The following ANKS1B variants were observed in gnomAD, a reference collection of about 807,000 sequenced individuals.
ANKS1B encodes the protein ankyrin repeat and sterile alpha motif domain containing 1B, also known as ankyrin repeat and sterile alpha motif domain-containing protein 1B.
Under a neutral mutation model 148.3 loss-of-function variants are expected in ANKS1B, and 36 were observed. That is an observed-to-expected ratio of 0.24 (90% CI 0.19 to 0.32). ANKS1B has a LOEUF of 0.32. Ranked by LOEUF, ANKS1B falls within the 10% of genes least tolerant of loss-of-function variation. The probability of loss-of-function intolerance (pLI) is 1.00; values close to 1 mark genes in which losing one functional copy is unlikely to be tolerated. For synonymous variants in ANKS1B, 542 were observed against 560.8 expected (o/e 0.97, Z 0.47); for missense variants, 1,157 against 1,542.6 (o/e 0.75, Z 4.19).
chr12:99,395,714 A>G (rs1225846622), intron 12 of ANKS1B, among the ~76,000 whole-genome samples: 1 of 152,120 alleles, frequency 6.6e-6, no homozygotes, highest in Admixed American at 6.6e-5. Flanking sequence ...ACCTTTTTTG[A>G]TGATTCACAA....
intron 2 of ANKS1B, among the ~76,000 whole-genome samples, chr12:99,823,386 A>G (rs1479936307): frequency 6.6e-6 from 1 of 152,030 alleles, no homozygotes; most frequent in Non-Finnish European, 1.5e-5. Context: ...GCTCGCTGCA[A>G]CCTCTGCCTC....
At chr12:99,487,599 T>C (rs2096508440) in intron 10 of ANKS1B, among the ~76,000 whole-genome samples, 1 of 145,510 alleles carries the variant, frequency 6.9e-6, no homozygotes, top group Non-Finnish European at 1.5e-5. Context: ...TTTAGTAATT[T>C]ATAAGACATT....
intron 17 of ANKS1B, among the ~76,000 whole-genome samples, chr12:99,051,678 T>C (rs1438613455): frequency 1.3e-5 from 2 of 152,226 alleles, no homozygotes; most frequent in Non-Finnish European, 2.9e-5. Flanking sequence ...ATGAGTCTCT[T>C]CTGAAATAAT....
intron 14 of ANKS1B, among the ~76,000 whole-genome samples, chr12:99,174,966 A>C (rs1415514657): frequency 6.6e-6 from 1 of 152,226 alleles, no homozygotes; most frequent in Non-Finnish European, 1.5e-5. Context: ...ACTGATGCTC[A>C]ATGAAGGAAT....
chr12:99,656,504 AG>A (rs1462228197), intron 8 of ANKS1B, among the ~76,000 whole-genome samples: 2 of 152,124 alleles, frequency 1.3e-5, no homozygotes, highest in Non-Finnish European at 2.9e-5. Flanking sequence ...AAACAAGAAC[AG>A]AAAGTTACAA....
chr12:99,235,858 G>T (rs941589552), intron 14 of ANKS1B, among the ~76,000 whole-genome samples: 3 of 152,122 alleles, frequency 2.0e-5, no homozygotes, highest in Non-Finnish European at 4.4e-5. Context: ...AACAAGCAAG[G>T]TACTCCTACC....
chr12:99,443,493 T>G (rs2152796841), intron 11 of ANKS1B, among the ~76,000 whole-genome samples, 180 bp downstream of exon 11: 1 of 152,134 alleles, frequency 6.6e-6, no homozygotes, highest in Admixed American at 6.6e-5. Flanking sequence ...AATGCAGATT[T>G]CAGTGTTTAT....
intron 8 of ANKS1B, among the ~76,000 whole-genome samples, chr12:99,707,776 TACC>T (rs1374464836): frequency 6.6e-6 from 1 of 152,078 alleles, no homozygotes; most frequent in Non-Finnish European, 1.5e-5. Flanking sequence ...ACTCTCTACC[TACC>T]AGCTCTCATA....
chr12:99,690,800 G>A (rs951437457), intron 8 of ANKS1B, among the ~76,000 whole-genome samples: 9 of 152,134 alleles, frequency 5.9e-5, no homozygotes, highest in Non-Finnish European at 1.2e-4. Context: ...CTATGATTCC[G>A]AGGTTTGGAG....
At chr12:99,522,618 C>T (rs554197688) in intron 9 of ANKS1B, among the ~76,000 whole-genome samples, 1 of 152,184 alleles carries the variant, frequency 6.6e-6, no homozygotes, top group South Asian at 2.1e-4. Flanking sequence ...AGGTTCTATG[C>T]TTCAGTAGAG....
intron 9 of ANKS1B, among the ~76,000 whole-genome samples, chr12:99,581,853 T>TGCAGTCC (rs1247110730): frequency 1.3e-4 from 19 of 142,626 alleles, no homozygotes; most frequent in African/African-American, 5.0e-4. Context: ...ATTGCGCCAC[T>TGCAGTCC]GCAGTCCGCA....
At chr12:99,669,241 G>A (rs1185898431) in intron 8 of ANKS1B, among the ~76,000 whole-genome samples, 1 of 152,078 alleles carries the variant, frequency 6.6e-6, no homozygotes, top group Admixed American at 6.6e-5. Flanking sequence ...TACAATCATA[G>A]CTCACTGCAG....
chr12:98,975,610 T>C (rs1053429018), intron 17 of ANKS1B, among the ~76,000 whole-genome samples: 12 of 152,036 alleles, frequency 7.9e-5, no homozygotes, highest in Non-Finnish European at 1.6e-4. Context: ...TGGTGAAAAA[T>C]GCTACGAAGG....
intron 8 of ANKS1B, among the ~76,000 whole-genome samples, chr12:99,762,651 C>T (rs2062243857): frequency 6.6e-6 from 1 of 152,056 alleles, no homozygotes; most frequent in South Asian, 2.1e-4. Context: ...ACTTCAAGAG[C>T]AATTGCAACA....
Position 99,228,064 on chromosome 12 carries a change from TA to T in ANKS1B, c.2419+16277del, listed in dbSNP as rs35209984. The stretch of plus-strand genomic sequence containing the variant: ...TAAAGGAGGACATTCTACCAAAGCA[TA>T]ACTCATAAAACAGAAGATAAAAGTA... On this transcript the variant is annotated intron_variant, in intron 14 of 26. Transcript: ENST00000683438. Among the ~76,000 whole-genome samples the T allele has an allele frequency of 8.8e-3, 1,347 of 152,252 alleles. 18 individuals are homozygous for T. Among genetic ancestry groups the T allele is most frequent in the Admixed American group, 0.033 (511 of 15,282 alleles).
At chr12:99,157,901 A>G (rs1339958436) in intron 14 of ANKS1B, among the ~76,000 whole-genome samples, 2 of 152,198 alleles carry the variant, frequency 1.3e-5, no homozygotes, top group Non-Finnish European at 2.9e-5. Flanking sequence ...AACTCAGAGA[A>G]AATACTGGTT....
rs117596417 is a variant in ANKS1B, at chr12:99,310,274, G to C, written c.1757-63410C>G. On this transcript the variant is annotated intron_variant, in intron 12 of 26. Transcript: ENST00000683438. ...ACATAACTGAAATATTAGAATAGTGGTTAAAACTATAGTGATGATTAATTT... is the reference window on the plus strand; with the variant it reads ...ACATAACTGAAATATTAGAATAGTGCTTAAAACTATAGTGATGATTAATTT... Among the ~76,000 whole-genome samples, 810 of 152,202 alleles carry C rather than the reference G, an allele frequency of 5.3e-3. 7 individuals carry two copies. Among genetic ancestry groups the C allele is most frequent in the Non-Finnish European group, 7.1e-3 (484 of 67,990 alleles).
At chr12:99,708,399 T>C (rs1357490516) in intron 8 of ANKS1B, among the ~76,000 whole-genome samples, 1 of 152,136 alleles carries the variant, frequency 6.6e-6, no homozygotes, top group Non-Finnish European at 1.5e-5. Flanking sequence ...TGTAACAAAT[T>C]ACCACAAATT....
intron 17 of ANKS1B, among the ~76,000 whole-genome samples, chr12:98,881,979 C>A (rs1383913264): frequency 6.6e-6 from 1 of 152,042 alleles, no homozygotes; most frequent in Non-Finnish European, 1.5e-5. Flanking sequence ...TGGAAAAACT[C>A]CAGAATCAGT....
Sources: allele counts gnomAD v4.1 joint callset (sites outside exome capture counted in the v4.1 genomes callset), GRCh38; gene constraint gnomAD v4.1.1; transcripts MANE v1.5; gene names NCBI Gene and HGNC (gene_info 2026-07-23, HGNC 2026-07-21).